The following PLA2G4A variants were observed in gnomAD, a reference collection of about 807,000 sequenced individuals.
PLA2G4A encodes the protein phospholipase A2 group IVA, also known as cytosolic phospholipase A2.
PLA2G4A carries 40 observed loss-of-function variants against 81.9 expected under a neutral mutation model. The observed-to-expected ratio is 0.49, with a 90% CI of 0.38 to 0.64. The LOEUF (loss-of-function observed/expected upper bound fraction) is 0.64. Among genes scored for constraint, PLA2G4A ranks in the 30% least tolerant of loss-of-function variants. PLA2G4A has a pLI of 0.00. For missense variants in PLA2G4A, 715 were observed against 905.1 expected, an observed-to-expected ratio of 0.79 and a Z score of 2.69; for synonymous variants, 302 against 296.9, an observed-to-expected ratio of 1.02 and a Z score of -0.18.
chr1:186,876,236 CT>C (rs1477152501), intron 3 of PLA2G4A, among the ~76,000 whole-genome samples: 5 of 152,072 alleles, frequency 3.3e-5, no homozygotes, highest in Non-Finnish European at 7.4e-5. Flanking sequence ...TGACAGTATG[CT>C]CATGCATAAA....
chr1:186,969,350 A>G (rs1442327503), intron 15 of PLA2G4A, among the ~76,000 whole-genome samples: 2 of 151,868 alleles, frequency 1.3e-5, no homozygotes, highest in African/African-American at 4.8e-5. Flanking sequence ...GGAAAGATCA[A>G]TTAGGGTAAT....
Position 186,854,398 on chromosome 1 carries a change from C to A in PLA2G4A, c.33+11C>A. 2 of 1,533,812 alleles carry A rather than the reference C, an allele frequency of 1.3e-6. No homozygotes were observed. Among genetic ancestry groups the A allele is most frequent in the Non-Finnish European group, 1.8e-6 (2 of 1,107,340 alleles). On this transcript the variant is annotated intron_variant, in intron 2 of 17. Coordinates refer to ENST00000367466, the MANE Select transcript of PLA2G4A (RefSeq NM_024420.3). ...TACCAGCACATTATAGTAAGTCATT[C>A]ACTGTTTATGAATTCTTTCTTGGAG...
chr1:186,856,313 T>A (rs569045256), intron 2 of PLA2G4A, among the ~76,000 whole-genome samples: 134 of 151,866 alleles, frequency 8.8e-4, no homozygotes, highest in Non-Finnish European at 1.6e-3. Context: ...ATATACATAT[T>A]TTATATGTAT....
chr1:186,873,891 C>T (rs1558387921), intron 3 of PLA2G4A, among the ~76,000 whole-genome samples: 1 of 152,056 alleles, frequency 6.6e-6, no homozygotes, highest in East Asian at 1.9e-4. Flanking sequence ...TTCAGTGTTA[C>T]TCAAATGCAG....
At chr1:186,832,696 CTCTT>C (rs1469924943) in intron 1 of PLA2G4A, among the ~76,000 whole-genome samples, 1 of 152,056 alleles carries the variant, frequency 6.6e-6, no homozygotes, top group Non-Finnish European at 1.5e-5. Context: ...TGTGAATTGT[CTCTT>C]TCAATGTGAT....
intron 16 of PLA2G4A, 25 bp from the exon 17 acceptor site, chr1:186,979,290 C>G (rs1291882738): frequency 1.9e-6 from 3 of 1,578,492 alleles, no homozygotes; most frequent in Non-Finnish European, 2.6e-6. Context: ...AAAATAACAC[C>G]CTTTGTGACT....
At chr1:186,867,771 T>C (rs1031947066) in intron 2 of PLA2G4A, among the ~76,000 whole-genome samples, 2 of 152,182 alleles carry the variant, frequency 1.3e-5, no homozygotes, top group Non-Finnish European at 2.9e-5. Context: ...CTTGCCTTGC[T>C]CCTGATCTTT....
At chr1:186,924,919 G>T (rs192314045) in intron 7 of PLA2G4A, among the ~76,000 whole-genome samples, 1 of 151,994 alleles carries the variant, frequency 6.6e-6, no homozygotes, top group Non-Finnish European at 1.5e-5. Flanking sequence ...ATGGTAGTGC[G>T]CACCTGTAGT....
At chr1:186,854,180 T>C (rs1652473580) in intron 1 of PLA2G4A, 106 bp from the exon 2 acceptor site, 3 of 576,570 alleles carry the variant, frequency 5.2e-6, no homozygotes, top group South Asian at 2.3e-5. Flanking sequence ...ACCTATCTAG[T>C]GTCCTTGGGT....
intron 7 of PLA2G4A, among the ~76,000 whole-genome samples, chr1:186,912,798 A>ATACATAAG (rs1558430421): frequency 1.5e-5 from 2 of 134,548 alleles, no homozygotes; most frequent in African/African-American, 5.9e-5. Context: ...ATATATATGT[A>ATACATAAG]TATATATATA....
At chr1:186,933,333 T>C (rs1655821041) in intron 8 of PLA2G4A, among the ~76,000 whole-genome samples, 1 of 152,126 alleles carries the variant, frequency 6.6e-6, no homozygotes, top group Non-Finnish European at 1.5e-5. Flanking sequence ...AGATGCAAGA[T>C]ACCATAGTAT....
chr1:186,935,145 A>C (rs1655895454), intron 8 of PLA2G4A, among the ~76,000 whole-genome samples: 1 of 152,012 alleles, frequency 6.6e-6, no homozygotes. Flanking sequence ...GGGTGTTTTA[A>C]TAATGTTGAA....
chr1:186,984,506 A>G (rs1321543384), intron 17 of PLA2G4A, among the ~76,000 whole-genome samples: 1 of 152,184 alleles, frequency 6.6e-6, no homozygotes, highest in East Asian at 1.9e-4. Context: ...ATAATTCTAC[A>G]AAGTGCTAAA....
intron 14 of PLA2G4A, among the ~76,000 whole-genome samples, chr1:186,962,074 C>A (rs555161730): frequency 6.6e-6 from 1 of 152,052 alleles, no homozygotes; most frequent in Non-Finnish European, 1.5e-5. Context: ...TCTCAGTTAA[C>A]CAGATTGACT....
chr1:186,880,677 A>T (rs1653697617), intron 3 of PLA2G4A, among the ~76,000 whole-genome samples: 1 of 152,038 alleles, frequency 6.6e-6, no homozygotes, highest in African/African-American at 2.4e-5. Context: ...TATATATTTA[A>T]ATCCATATAG....
At chr1:186,982,371 A>G (rs556416284) in intron 17 of PLA2G4A, among the ~76,000 whole-genome samples, 1 of 152,340 alleles carries the variant, frequency 6.6e-6, no homozygotes, top group South Asian at 2.1e-4. Flanking sequence ...CGTCTCTGAA[A>G]CAGGTGTGGT....
At position 186,988,598 on chromosome 1, in the gene PLA2G4A, G is replaced by T. The variant is rs562483486; in HGVS notation, c.*90G>T. 1.8e-6 allele frequency: 2 copies of T among 1,137,108 alleles called. No individual in the cohort carries two copies. The highest frequency in any genetic ancestry group is 4.9e-5 in the East Asian group (2 of 40,546). 70.4% of individuals were successfully genotyped at this position (1,137,108 alleles called of 1,614,324 possible). A position where few individuals can be genotyped will look rare whatever the true frequency, so the allele number is the denominator to read the frequency against. On this transcript the variant is annotated 3_prime_UTR_variant, in exon 18 of 18. Transcript: ENST00000367466. ...ATTTAAAAGTACAGTACAGATAGTC[G>T]TACTGATCATGAGAGACTGGCTGAT...
intron 8 of PLA2G4A, among the ~76,000 whole-genome samples, chr1:186,938,318 A>T (rs1384405317): frequency 6.6e-6 from 1 of 152,130 alleles, no homozygotes; most frequent in African/African-American, 2.4e-5. Context: ...TCTAGATATC[A>T]AATATCAAGG....
chr1:186,895,417 C>T (rs189646220), intron 5 of PLA2G4A, among the ~76,000 whole-genome samples: 1 of 152,338 alleles, frequency 6.6e-6, no homozygotes, highest in East Asian at 1.9e-4. Context: ...AAGAGATGCA[C>T]TCACCACAAT....
Sources: gnomAD v4.1 joint callset for allele counts (sites outside exome capture counted in the v4.1 genomes callset) on GRCh38, gnomAD v4.1.1 for gene constraint, MANE v1.5 for transcripts, NCBI Gene and HGNC (gene_info 2026-07-23, HGNC 2026-07-21) for gene names.